Variants in CSN2 observed in about 807,000 individuals in gnomAD.
CSN2 encodes beta-casein.
CSN2 carries 27 observed loss-of-function variants against 27.3 expected under a neutral mutation model. The observed-to-expected ratio is 0.99, with a 90% CI of 0.73 to 1.36. The LOEUF (loss-of-function observed/expected upper bound fraction) is 1.36, where lower values mean the gene tolerates loss of function less well. Ranked by LOEUF, CSN2 falls within the 40% of genes most tolerant of loss-of-function variation. CSN2 has a pLI of 0.00. For missense variants in CSN2, 333 were observed against 264.5 expected (o/e 1.26, Z -1.80); for synonymous variants, 131 against 94.8 (o/e 1.38, Z -2.22).
intron 1 of CSN2, 85 bp from the exon 2 acceptor site, chr4:69,961,092 CAAAAA>C (rs879303166): frequency 1.8e-5 from 12 of 654,378 alleles, no homozygotes; most frequent in Admixed American, 6.1e-5. Context: ...TTTTATAAAA[CAAAAA>C]AAAAAGAGAG....
chr4:69,956,493 A>G, intron 6 of CSN2, 138 bp from the exon 7 acceptor site: 1 of 567,882 alleles, frequency 1.8e-6, no homozygotes, highest in East Asian at 4.1e-5. Context: ...ATGTGAAGTA[A>G]GGCTTGTGTA....
intron 1 of CSN2, among the ~76,000 whole-genome samples, chr4:69,961,295 A>C (rs545003568): frequency 6.6e-6 from 1 of 152,134 alleles, no homozygotes; most frequent in African/African-American, 2.4e-5. Context: ...AAAAAGTCCC[A>C]TTTACAGTAT....
In CSN2 at chr4:69,956,202, G is replaced by A. The variant is rs913473717; in HGVS notation, c.*36+112C>T. 9.6e-6 allele frequency: 6 copies of A among 626,184 alleles called. No homozygotes were observed. The East Asian group carries it at 2.0e-4, about 21-fold the overall frequency. The allele number at this position is 626,184 out of a possible 1,614,324, so 38.8% of individuals were successfully genotyped here. A position where few individuals can be genotyped will look rare whatever the true frequency, so the allele number is the denominator to read the frequency against. ...ATTAAATTGATAATTAATAAAAAAAGTTCTTGTATGTATGAAATTTTCACT... is the reference window on the plus strand; with the variant it reads ...ATTAAATTGATAATTAATAAAAAAAATTCTTGTATGTATGAAATTTTCACT... On this transcript the variant is annotated intron_variant, in intron 7 of 7. Coordinates refer to ENST00000353151, the MANE Select transcript of CSN2 (RefSeq NM_001891.4).
intron 3 of CSN2, among the ~76,000 whole-genome samples, chr4:69,959,339 T>C (rs888886807): frequency 6.6e-6 from 1 of 152,064 alleles, no homozygotes; most frequent in Non-Finnish European, 1.5e-5. Context: ...ACAAATGATA[T>C]CTAAAACCCC....
intron 1 of CSN2, among the ~76,000 whole-genome samples, chr4:69,962,345 T>C (rs1723624389): frequency 6.6e-6 from 1 of 152,110 alleles, no homozygotes; most frequent in African/African-American, 2.4e-5. Flanking sequence ...ACTACAAGGC[T>C]ACAGTAACCA....
intron 1 of CSN2, among the ~76,000 whole-genome samples, chr4:69,962,724 A>C (rs1224499478): frequency 2.6e-5 from 4 of 152,172 alleles, no homozygotes; most frequent in African/African-American, 9.7e-5. Context: ...CAAAAGCCAA[A>C]ATTGACAAAT....
intron 1 of CSN2, 118 bp from the exon 2 acceptor site, chr4:69,961,125 T>C (rs1226602401): frequency 5.1e-6 from 3 of 589,408 alleles, no homozygotes; most frequent in Non-Finnish European, 9.1e-6. Context: ...ATAACAAAAA[T>C]ATCTGCATTT....
chr4:69,959,439 T>A (rs1295195159), intron 3 of CSN2, among the ~76,000 whole-genome samples: 1 of 152,138 alleles, frequency 6.6e-6, no homozygotes, highest in Non-Finnish European at 1.5e-5. Context: ...TCATAAGAGT[T>A]AAACACTTCC....
rs1181346661 is a variant in CSN2 at position 69,955,510 on chromosome 4, T to C, written c.*119A>G. 1 of 152,460 alleles carries C rather than the reference T, an allele frequency of 6.6e-6. No individual in the cohort carries two copies. Among genetic ancestry groups the C allele is most frequent in the East Asian group, 1.9e-4 (1 of 5,186 alleles). The allele number at this position is 152,460 out of a possible 1,614,324, so 9.4% of individuals were successfully genotyped here. On this transcript the variant is annotated 3_prime_UTR_variant, in exon 8 of 8. Coordinates refer to ENST00000353151, the MANE Select transcript of CSN2 (RefSeq NM_001891.4). The stretch of plus-strand genomic sequence containing the variant: ...AAAGGGACAAAGTTCATTTTTTCCA[T>C]ATAAACTCATTCAAACATACTTAAT...
Position 69,960,192 on chromosome 4 carries a change from A to G in CSN2, c.52-113T>C, listed in dbSNP as rs138786866. 3.2e-4 allele frequency: 299 copies of G among 921,116 alleles called. 2 individuals carry two copies. In the African/African-American group the frequency reaches 4.4e-3, roughly 13 times the overall value. The allele number at this position is 921,116 out of a possible 1,614,324, so 57.1% of individuals were successfully genotyped here. Reference sequence around the variant, plus strand: ...AAAATAATCTCACCTCAGAGGATGCATTGGATTGTTCCTTCTGAAAAGATG... The same window carrying G: ...AAAATAATCTCACCTCAGAGGATGCGTTGGATTGTTCCTTCTGAAAAGATG... On this transcript the variant is annotated intron_variant, in intron 2 of 7. Transcript: ENST00000353151.
chr4:69,956,603 C>G (rs1723403867), intron 6 of CSN2, among the ~76,000 whole-genome samples: 1 of 152,226 alleles, frequency 6.6e-6, no homozygotes, highest in African/African-American at 2.4e-5. Context: ...CTTTTGCCTT[C>G]ATATATACTT....
chr4:69,957,525 G>A lies in CSN2; in HGVS notation c.424C>T (p.Pro142Ser), dbSNP rs774252717. ...ATCAAGGGCTGGAGCAGAGGCAGAG[G>A]AAGATGCAGATTTTCAAGATCAGTG... is the stretch of plus-strand genomic sequence containing the variant. ...KLTDLENLHLPLPLLQPLMQQ... is the reference protein window; with the variant it reads ...KLTDLENLHLSLPLLQPLMQQ... Residue 142 changes from proline to serine, a missense_variant, in exon 6 of 8, where the codon CCT becomes TCT. By Grantham distance (74) the Pro-to-Ser change is moderately conservative. Coordinates refer to ENST00000353151, the MANE Select transcript of CSN2 (RefSeq NM_001891.4). 9 of 1,613,980 alleles carry A rather than the reference G, an allele frequency of 5.6e-6. No individual in the cohort carries two copies. In the East Asian group the frequency reaches 1.3e-4, roughly 24 times the overall value.
rs111825373 is a variant in CSN2, at chr4:69,956,370, G to A, written c.676-15C>T. On this transcript the variant is annotated splice_polypyrimidine_tract_variant and intron_variant, in intron 6 of 7. Coordinates refer to ENST00000353151, the MANE Select transcript of CSN2 (RefSeq NM_001891.4). The stretch of plus-strand genomic sequence containing the variant: ...TCTTCTTAGACCTTAAAAATAAACA[G>A]ATACAAATAAATAAATAACCTCTTA... 15 of 1,393,660 alleles carry A rather than the reference G, an allele frequency of 1.1e-5. No individual in the cohort carries two copies. The African/African-American group carries it at 1.3e-4, about 12-fold the overall frequency. The allele number at this position is 1,393,660 out of a possible 1,614,324, so 86.3% of individuals were successfully genotyped here. A position where few individuals can be genotyped will look rare whatever the true frequency, so the allele number is the denominator to read the frequency against.
In CSN2 at chr4:69,964,815, C is replaced by T. The variant is rs1362318495; in HGVS notation, c.-13+866G>A. ...TATAATTACAATGCTAATTTATATACTAATATACTAATATATACTAATACT... is the reference window on the plus strand; with the variant it reads ...TATAATTACAATGCTAATTTATATATTAATATACTAATATATACTAATACT... On this transcript the variant is annotated intron_variant, in intron 1 of 7. Transcript: ENST00000353151. Among the ~76,000 whole-genome samples, 5 of 149,300 alleles carry T rather than the reference C, an allele frequency of 3.3e-5. No individual in the cohort carries two copies. The East Asian group carries it at 5.8e-4, about 17-fold the overall frequency.
intron 1 of CSN2, among the ~76,000 whole-genome samples, chr4:69,961,746 G>A (rs1235518817): frequency 1.3e-5 from 2 of 152,176 alleles, no homozygotes; most frequent in Non-Finnish European, 1.5e-5. Context: ...AATTAGGCAG[G>A]AGAAGGAAAT....
In CSN2 at chr4:69,957,531, G is replaced by T. The variant is rs755271919; in HGVS notation, c.418C>A (p.His140Asn). 1 of 1,613,802 alleles carries T rather than the reference G, an allele frequency of 6.2e-7. No homozygotes were observed. Among genetic ancestry groups the T allele is most frequent in the African/African-American group, 1.3e-5 (1 of 74,896 alleles). The change falls in exon 6 of 8, where the codon CAT (histidine) becomes AAT (asparagine). Residue 140 changes from histidine (H) to asparagine (N), a missense_variant. Coordinates refer to ENST00000353151, the MANE Select transcript of CSN2 (RefSeq NM_001891.4). ...GGCTGGAGCAGAGGCAGAGGAAGAT[G>T]CAGATTTTCAAGATCAGTGAGTTTT... ...IPKLTDLENL[H>N]LPLPLLQPLM...
In CSN2 at chr4:69,958,973, A is replaced by G; in HGVS notation, c.100-20T>C. On this transcript the variant is annotated intron_variant, in intron 4 of 7. Transcript: ENST00000353151. ...TTTCTGCTAAAGATATATCATATATAAAGATATGTTACCATCTGTAAAGAT... is the reference window on the plus strand; with the variant it reads ...TTTCTGCTAAAGATATATCATATATGAAGATATGTTACCATCTGTAAAGAT... 1 of 1,582,864 alleles carries G rather than the reference A, an allele frequency of 6.3e-7. No homozygotes were observed. The highest frequency in any genetic ancestry group is 8.6e-7 in the Non-Finnish European group (1 of 1,156,940).
chr4:69,961,321 G>T (rs975414351), intron 1 of CSN2, among the ~76,000 whole-genome samples: 1 of 151,920 alleles, frequency 6.6e-6, no homozygotes, highest in African/African-American at 2.4e-5. Flanking sequence ...TTTTCAAAAG[G>T]CATAAAGAAG....
chr4:69,957,693 G>C lies in CSN2; in HGVS notation c.256C>G (p.Gln86Glu). ...GGGACAGGCAGCACCACAGCAGGCT[G>C]AGCAAGAGGCAGAATGTTTTGTGGA... is the stretch of plus-strand genomic sequence containing the variant. Reference protein sequence around the residue: ...FLPQNILPLAQPAVVLPVPQP... With the variant: ...FLPQNILPLAEPAVVLPVPQP... The change falls in exon 6 of 8, where the codon CAG becomes GAG. Residue 86 changes from glutamine to glutamate, a missense_variant. By Grantham distance (29) the Gln-to-Glu change is conservative (BLOSUM62 2). Transcript: ENST00000353151. 2 of 1,613,990 alleles carry C rather than the reference G, an allele frequency of 1.2e-6. No homozygotes were observed. Among genetic ancestry groups the C allele is most frequent in the Non-Finnish European group, 1.7e-6 (2 of 1,179,990 alleles).
Sources: allele counts gnomAD v4.1 joint callset (sites outside exome capture counted in the v4.1 genomes callset), GRCh38; gene constraint gnomAD v4.1.1; transcripts MANE v1.5; gene names NCBI Gene and HGNC (gene_info 2026-07-23, HGNC 2026-07-21).